The following CPNE8 variants were observed in gnomAD, a reference collection of about 807,000 sequenced individuals.
CPNE8 encodes the protein copine 8.
A neutral mutation model predicts 81.5 loss-of-function variants in CPNE8; 45 were observed. The ratio of observed to expected loss-of-function variants is 0.55; its 90% confidence interval spans 0.44 to 0.71. The LOEUF is 0.71. CPNE8 is among the 30% of genes least tolerant of loss of function. The probability of loss-of-function intolerance (pLI) is 0.00; values close to 1 mark genes in which losing one functional copy is unlikely to be tolerated. For synonymous variants in CPNE8, 252 were observed against 226.3 expected (o/e 1.11, Z -1.02); for missense variants, 594 against 672.1 (o/e 0.88, Z 1.28).
intron 8 of CPNE8, among the ~76,000 whole-genome samples, chr12:38,766,720 C>T (rs1024728060): frequency 3.3e-5 from 5 of 151,814 alleles, no homozygotes; most frequent in Admixed American, 1.3e-4. Context: ...TTTTTAATTT[C>T]CAAATAACAT....
At chr12:38,768,137 C>G (rs1017837752) in intron 7 of CPNE8, among the ~76,000 whole-genome samples, 1 of 150,526 alleles carries the variant, frequency 6.6e-6, no homozygotes, top group African/African-American at 2.5e-5. Context: ...TACTACATAT[C>G]TAGTATGTAT....
chr12:38,743,424 G>A (rs927785440), intron 10 of CPNE8, among the ~76,000 whole-genome samples: 7 of 151,882 alleles, frequency 4.6e-5, no homozygotes, highest in African/African-American at 1.7e-4. Flanking sequence ...ATATTATCTG[G>A]TTAAAACTAT....
At chr12:38,702,817 A>C in intron 14 of CPNE8, 58 bp downstream of exon 14, 1 of 1,027,438 alleles carries the variant, frequency 9.7e-7, no homozygotes, top group South Asian at 1.7e-5. Context: ...TGAAAATATA[A>C]ATTTATTTTT....
intron 6 of CPNE8, among the ~76,000 whole-genome samples, chr12:38,825,134 T>G (rs950122912): frequency 1.3e-5 from 2 of 152,198 alleles, no homozygotes; most frequent in African/African-American, 4.8e-5. Context: ...CGGTCATGCA[T>G]TCATAAATTT....
At chr12:38,846,099 C>G (rs906528228) in intron 4 of CPNE8, among the ~76,000 whole-genome samples, 13 of 152,234 alleles carry the variant, frequency 8.5e-5, no homozygotes, top group African/African-American at 3.1e-4. Context: ...TCCTGACACT[C>G]TGAGATAAAT....
At chr12:38,762,274 G>T in intron 8 of CPNE8, 58 bp from the exon 9 acceptor site, 3 of 933,624 alleles carry the variant, frequency 3.2e-6, no homozygotes, top group Non-Finnish European at 1.6e-6. Flanking sequence ...TTGATCTATT[G>T]TTTTAGTAGC....
chr12:38,786,388 C>T lies in CPNE8; in HGVS notation c.408-10087G>A, dbSNP rs184846557. On this transcript the variant is annotated intron_variant, in intron 6 of 19. Transcript: ENST00000331366. The stretch of plus-strand genomic sequence containing the variant: ...TGGGTGAGCACAATCTCATCAGCTG[C>T]CTGTGCAGATAGAATGTAAGTAGGC... Among the ~76,000 whole-genome samples, 183 of 152,210 alleles carry T rather than the reference C, an allele frequency of 1.2e-3. 1 individual carries two copies. Among genetic ancestry groups the T allele is most frequent in the African/African-American group, 4.1e-3 (170 of 41,534 alleles).
chr12:38,785,656 A>C (rs1048024489), intron 6 of CPNE8, among the ~76,000 whole-genome samples: 1 of 152,184 alleles, frequency 6.6e-6, no homozygotes, highest in Non-Finnish European at 1.5e-5. Flanking sequence ...AGTCAATTAA[A>C]CTTCTTTCCT....
intron 6 of CPNE8, among the ~76,000 whole-genome samples, chr12:38,810,914 A>C (rs1202234996): frequency 6.6e-6 from 1 of 152,074 alleles, no homozygotes; most frequent in Non-Finnish European, 1.5e-5. Context: ...TCATTCTTTC[A>C]ATCTCTTAGA....
chr12:38,762,762 G>A (rs1941597894), intron 8 of CPNE8, among the ~76,000 whole-genome samples: 1 of 152,160 alleles, frequency 6.6e-6, no homozygotes, highest in Non-Finnish European at 1.5e-5. Flanking sequence ...TTTTCAAGAT[G>A]GAAGAAATAA....
At chr12:38,687,434 T>G (rs1053213200) in intron 15 of CPNE8, among the ~76,000 whole-genome samples, 1 of 141,444 alleles carries the variant, frequency 7.1e-6, no homozygotes. Context: ...CAGGCTGGAG[T>G]GTAATGGCCG....
At chr12:38,764,632 A>AAAAAAAAG (rs1565603579) in intron 8 of CPNE8, among the ~76,000 whole-genome samples, 2 of 150,126 alleles carry the variant, frequency 1.3e-5, no homozygotes, top group African/African-American at 5.0e-5. Flanking sequence ...AAAAAAAAAA[A>AAAAAAAAG]AAAAAAAGAA....
At chr12:38,673,878 C>A in intron 18 of CPNE8, among the ~76,000 whole-genome samples, 1 of 147,966 alleles carries the variant, frequency 6.8e-6, no homozygotes, top group South Asian at 2.2e-4. Flanking sequence ...GCTTAATAGG[C>A]AAAACTCCGC....
Position 38,685,600 on chromosome 12 carries a change from GT to G in CPNE8, c.1160del (p.Asn387ThrfsTer18), listed in dbSNP as rs1939515209. 6.2e-7 allele frequency: 1 copy of G among 1,612,774 alleles called. No homozygotes were observed. The highest frequency in any genetic ancestry group is 1.3e-5 in the African/African-American group (1 of 74,826). On this transcript the variant is annotated frameshift_variant, in exon 16 of 20. Coordinates refer to ENST00000331366, the MANE Select transcript of CPNE8 (RefSeq NM_153634.3). LOFTEE classifies it high-confidence loss of function. ...CCCCCTCAATGCCATCACAGTAGGG[GT>G]TTTGAGGATTCCCATTCTGTAGAAA... The part of the protein sequence containing the change: ...HEFALNGNPQ[N>X]PYCDGIEGVM...
intron 1 of CPNE8, among the ~76,000 whole-genome samples, chr12:38,882,267 CAGAG>C (rs766863407): frequency 6.6e-6 from 1 of 152,090 alleles, no homozygotes; most frequent in South Asian, 2.1e-4. Context: ...AGTGACAGCA[CAGAG>C]AGAGTTGTAG....
chr12:38,824,369 T>G (rs2137012169), intron 6 of CPNE8, among the ~76,000 whole-genome samples: 1 of 152,216 alleles, frequency 6.6e-6, no homozygotes, highest in South Asian at 2.1e-4. Context: ...TAATCCTAAC[T>G]TCGTTGTCAA....
intron 13 of CPNE8, among the ~76,000 whole-genome samples, chr12:38,721,969 C>A (rs1940576443): frequency 6.6e-6 from 1 of 152,178 alleles, no homozygotes; most frequent in Non-Finnish European, 1.5e-5. Context: ...CTCACCACTT[C>A]ATACCTGATT....
intron 16 of CPNE8, among the ~76,000 whole-genome samples, chr12:38,678,251 G>T (rs1298777856): frequency 6.6e-6 from 1 of 151,926 alleles, no homozygotes; most frequent in Non-Finnish European, 1.5e-5. Flanking sequence ...GAGACGGAGA[G>T]TTATTTCAAA....
intron 13 of CPNE8, among the ~76,000 whole-genome samples, chr12:38,706,702 T>A (rs925244132): frequency 6.6e-6 from 1 of 152,226 alleles, no homozygotes; most frequent in Non-Finnish European, 1.5e-5. Flanking sequence ...CTCTGTACAC[T>A]GTAGGAGAAG....
Sources: allele counts gnomAD v4.1 joint callset (sites outside exome capture counted in the v4.1 genomes callset), GRCh38; gene constraint gnomAD v4.1.1; transcripts MANE v1.5; gene names NCBI Gene and HGNC (gene_info 2026-07-23, HGNC 2026-07-21).